Variants in RPS6KA6 observed in about 807,000 individuals in gnomAD.
RPS6KA6 encodes the protein ribosomal protein S6 kinase alpha-6.
Under a neutral mutation model 65.4 loss-of-function variants are expected in RPS6KA6, and 27 were observed. That is an observed-to-expected ratio of 0.41 (90% confidence interval 0.30 to 0.57). The LOEUF is 0.57. Among genes scored for constraint, RPS6KA6 ranks in the 20% least tolerant of loss-of-function variants. The pLI is 0.24. For synonymous variants in RPS6KA6, 190 were observed against 184.2 expected (o/e 1.03, Z -0.26); for missense variants, 486 against 555.6 (o/e 0.87, Z 1.26).
Position 84,188,009 on chromosome X carries a change from C to CCCGGT in RPS6KA6, c.-111_-110insACCGG. On this transcript the variant is annotated 5_prime_UTR_variant, in exon 1 of 22. Transcript: ENST00000262752. ...GCCGCCGCCGCCGCCGCCGCCGCCG[C>CCCGGT]GACCCCCAGCCCCGCCTTCAGCGAG... 1.9e-6 allele frequency: 1 copy of CCCGGT among 516,312 alleles called. No individual in the cohort carries two copies. The highest frequency in any genetic ancestry group is 2.5e-6 in the Non-Finnish European group (1 of 393,536). The allele number at this position is 516,312 out of a possible 1,213,427, so 42.5% of individuals were successfully genotyped here.
chrX:84,178,456 G>GA (rs767567658), intron 1 of RPS6KA6, among the ~76,000 whole-genome samples: 3 of 111,622 alleles, frequency 2.7e-5, no homozygotes, highest in African/African-American at 9.7e-5. Context: ...ATATATCACA[G>GA]AAATTATTTT....
intron 6 of RPS6KA6, among the ~76,000 whole-genome samples, chrX:84,140,422 T>C (rs2035074035): frequency 9.0e-6 from 1 of 110,838 alleles, no homozygotes; most frequent in South Asian, 3.9e-4. Context: ...AATGTCACAA[T>C]GTCTGCCATC....
At chrX:84,064,491 T>A in intron 21 of RPS6KA6, 89 bp from the exon 22 acceptor site, 1 of 852,050 alleles carries the variant, frequency 1.2e-6, no homozygotes, top group South Asian at 3.3e-5. Context: ...GAGACATATA[T>A]CTAGAACAAA....
At chrX:84,134,948 T>A in intron 7 of RPS6KA6, 129 bp from the exon 8 acceptor site, 1 of 593,508 alleles carries the variant, frequency 1.7e-6, no homozygotes, top group Non-Finnish European at 2.6e-6. Context: ...ATGATTAACT[T>A]AAAGTCAATG....
chrX:84,093,150 C>CAGTA (rs1423453302), intron 20 of RPS6KA6, among the ~76,000 whole-genome samples: 1 of 111,650 alleles, frequency 9.0e-6, no homozygotes, highest in Non-Finnish European at 1.9e-5. Context: ...TAGAAATAGA[C>CAGTA]AGTAGAATAG....
At position 84,095,352 on chromosome X, in the gene RPS6KA6, A is replaced by AC. The variant is rs773833635; in HGVS notation, c.1971+841_1971+842insG. Among the ~76,000 whole-genome samples the AC allele has an allele frequency of 1.0e-3, 110 of 109,437 alleles. 1 individual carries two copies. In the South Asian group the frequency reaches 0.012, roughly 12 times the overall value. On this transcript the variant is annotated intron_variant, in intron 20 of 21. Coordinates refer to ENST00000262752, the MANE Select transcript of RPS6KA6 (RefSeq NM_014496.5). Reference sequence around the variant, plus strand: ...CCTAAAAGCCACATGGTGACAAGTGATAGTTTTCATTTAAAACTTAAAATT... The same window carrying AC: ...CCTAAAAGCCACATGGTGACAAGTGACTAGTTTTCATTTAAAACTTAAAATT...
chrX:84,115,279 T>C (rs983574104), intron 12 of RPS6KA6, among the ~76,000 whole-genome samples: 4 of 111,236 alleles, frequency 3.6e-5, no homozygotes, highest in African/African-American at 1.3e-4. Flanking sequence ...AACAAACCTA[T>C]TAAAAGGTGG....
intron 20 of RPS6KA6, among the ~76,000 whole-genome samples, chrX:84,068,850 C>A (rs1454527094): frequency 2.7e-5 from 3 of 111,202 alleles, no homozygotes; most frequent in African/African-American, 9.8e-5. Flanking sequence ...AGGAATACAA[C>A]TTAACAAGGG....
intron 8 of RPS6KA6, among the ~76,000 whole-genome samples, chrX:84,121,633 T>C (rs777268654): frequency 8.9e-6 from 1 of 111,838 alleles, no homozygotes; most frequent in East Asian, 2.8e-4. Context: ...TGTCACTTAA[T>C]TTCTTGCAAA....
intron 1 of RPS6KA6, among the ~76,000 whole-genome samples, chrX:84,172,877 T>C (rs2035709106): frequency 9.0e-6 from 1 of 111,462 alleles, no homozygotes; most frequent in Admixed American, 9.6e-5. Context: ...TGACAAATAC[T>C]ATATGGTTCC....
chrX:84,076,489 T>C (rs941469684), intron 20 of RPS6KA6, among the ~76,000 whole-genome samples: 1 of 111,914 alleles, frequency 8.9e-6, no homozygotes, highest in African/African-American at 3.2e-5. Flanking sequence ...AAGGTTGGCT[T>C]AGCATTTGAA....
At chrX:84,169,148 TATC>T (rs1297112318) in intron 1 of RPS6KA6, among the ~76,000 whole-genome samples, 2 of 112,145 alleles carry the variant, frequency 1.8e-5, no homozygotes, top group Non-Finnish European at 3.8e-5. Flanking sequence ...CTGGAATGTT[TATC>T]ATCAACAATA....
intron 1 of RPS6KA6, among the ~76,000 whole-genome samples, chrX:84,177,970 T>C (rs2035795624): frequency 4.5e-5 from 5 of 110,812 alleles, no homozygotes; most frequent in Non-Finnish European, 3.8e-5. Flanking sequence ...AATTTTTTAT[T>C]CTTTTTAGAG....
intron 20 of RPS6KA6, among the ~76,000 whole-genome samples, chrX:84,093,759 T>TA (rs1462347895): frequency 7.1e-5 from 8 of 112,003 alleles, no homozygotes; most frequent in Admixed American, 4.7e-4. Flanking sequence ...GCTAATTCCA[T>TA]AAAAAACAAT....
At chrX:84,154,904 T>C (rs1474674359) in intron 3 of RPS6KA6, among the ~76,000 whole-genome samples, 1 of 112,374 alleles carries the variant, frequency 8.9e-6, no homozygotes, top group Non-Finnish European at 1.9e-5. Context: ...TAGTCACTAA[T>C]ACTGCTTATA....
rs1429697663 is a variant in RPS6KA6, at chrX:84,117,042, T to C, written c.949+18A>G. 2 of 1,030,919 alleles carry C rather than the reference T, an allele frequency of 1.9e-6. No individual in the cohort carries two copies. Among genetic ancestry groups the C allele is most frequent in the East Asian group, 6.3e-5 (2 of 31,981 alleles). The allele number at this position is 1,030,919 out of a possible 1,213,427, so 85.0% of individuals were successfully genotyped here. A position where few individuals can be genotyped will look rare whatever the true frequency, so the allele number is the denominator to read the frequency against. ...AACATGCAGTTACTTCTATAAAAGC[T>C]AAGAAAATAAGCAATACCCAATCTA... is the stretch of plus-strand genomic sequence containing the variant. On this transcript the variant is annotated intron_variant, in intron 11 of 21. Coordinates refer to ENST00000262752, the MANE Select transcript of RPS6KA6 (RefSeq NM_014496.5).
chrX:84,107,080 A>G (rs199715463), intron 13 of RPS6KA6, 40 bp from the exon 14 acceptor site: 3 of 1,106,120 alleles, frequency 2.7e-6, no homozygotes, highest in Non-Finnish European at 3.7e-6. Context: ...AACTACACAC[A>G]GAATTCTATG....
intron 12 of RPS6KA6, among the ~76,000 whole-genome samples, chrX:84,109,389 T>C (rs185856942): frequency 4.5e-5 from 5 of 110,981 alleles, no homozygotes; most frequent in Admixed American, 3.8e-4. Context: ...CCAAAGCATG[T>C]GATCAGCCAT....
intron 20 of RPS6KA6, among the ~76,000 whole-genome samples, chrX:84,088,872 CA>C (rs1393620259): frequency 2.7e-5 from 3 of 112,169 alleles, no homozygotes; most frequent in African/African-American, 9.7e-5. Context: ...AGGGATAGAT[CA>C]GGGTCCCAGT....
Sources: gnomAD v4.1 joint callset for allele counts (sites outside exome capture counted in the v4.1 genomes callset) on GRCh38, gnomAD v4.1.1 for gene constraint, MANE v1.5 for transcripts, NCBI Gene and HGNC (gene_info 2026-07-23, HGNC 2026-07-21) for gene names.